The following PHF24 variants were observed in gnomAD, a reference collection of about 807,000 sequenced individuals.
PHF24 encodes the protein Galpha inhibitory interacting protein.
In PHF24, 25 loss-of-function variants were observed where a neutral mutation model predicts 42.6. The observed-to-expected ratio is 0.59, with a 90% CI of 0.43 to 0.82. PHF24 has a LOEUF of 0.82. Among genes scored for constraint, PHF24 ranks in the 40% least tolerant of loss-of-function variants. The probability of loss-of-function intolerance (pLI) is 0.00; values close to 1 mark genes in which losing one functional copy is unlikely to be tolerated. For synonymous variants in PHF24, 185 were observed against 204.8 expected (o/e 0.90, Z 0.83); for missense variants, 470 against 538.1 (o/e 0.87, Z 1.25).
At chr9:34,855,219 CT>C in the PHF24 span, among the ~76,000 whole-genome samples, 3 of 152,180 alleles carry the variant, frequency 2.0e-5, no homozygotes, top group Non-Finnish European at 4.4e-5. Context: ...GGGCTTGGCT[CT>C]TTATCCAGCT....
At chr9:34,723,198 G>T in the PHF24 span, 2 of 1,540,720 alleles carry the variant, frequency 1.3e-6, no homozygotes, top group South Asian at 2.4e-5. Context: ...TCCTTGAGCG[G>T]ACCAATGTTT....
chr9:34,673,854 C>T, the PHF24 span, among the ~76,000 whole-genome samples: 2 of 152,144 alleles, frequency 1.3e-5, no homozygotes, highest in Non-Finnish European at 2.9e-5. Flanking sequence ...ATCTCCTGAC[C>T]TTGTGATCTG....
rs947234275 is a variant in PHF24, at chr9:34,963,240, C to A, written c.-5+4839C>A. On this transcript the variant is annotated intron_variant, in intron 1 of 7. Transcript: ENST00000242315. ...GCTTGGATTTCCTCAAAGACCCGCA[C>A]GAGAACTCTTTTTGATGGTTTTTTT... 6.7e-5 allele frequency among the ~76,000 whole-genome samples: 10 copies of A among 148,588 alleles called. No homozygotes were observed. In the South Asian group the frequency reaches 2.1e-3, roughly 32 times the overall value.
chr9:34,682,840 C>T, the PHF24 span, among the ~76,000 whole-genome samples: 7 of 151,960 alleles, frequency 4.6e-5, no homozygotes, highest in East Asian at 3.9e-4. Context: ...TGGTGGTAGC[C>T]GTGGTGGTGA....
chr9:34,731,224 A>C, the PHF24 span, among the ~76,000 whole-genome samples: 1 of 152,236 alleles, frequency 6.6e-6, no homozygotes, highest in Non-Finnish European at 1.5e-5. Flanking sequence ...TAATAATCAC[A>C]TCAGGGTAAA....
Position 34,963,699 on chromosome 9 carries a change from C to T in PHF24, c.-5+5298C>T, listed in dbSNP as rs558433877. Among the ~76,000 whole-genome samples, 7 of 152,214 alleles carry T rather than the reference C, an allele frequency of 4.6e-5. No homozygotes were observed. The East Asian group carries it at 5.8e-4, about 13-fold the overall frequency. On this transcript the variant is annotated intron_variant, in intron 1 of 7. Transcript: ENST00000242315. Reference sequence around the variant, plus strand: ...TTCTTACCATTGTGATTGTAGAAACCGGCTAAATTGCAGAATTTCTTAACT... The same window carrying T: ...TTCTTACCATTGTGATTGTAGAAACTGGCTAAATTGCAGAATTTCTTAACT...
chr9:34,863,228 C>T, the PHF24 span, among the ~76,000 whole-genome samples: 1 of 152,152 alleles, frequency 6.6e-6, no homozygotes, highest in African/African-American at 2.4e-5. Flanking sequence ...GGACACAAGC[C>T]TGGCTGGCTT....
chr9:34,724,514 C>G, the PHF24 span: 1 of 1,551,476 alleles, frequency 6.4e-7, no homozygotes. Context: ...CTTCCTTGCC[C>G]TAATGGGAAT....
At chr9:34,760,323 A>G in the PHF24 span, among the ~76,000 whole-genome samples, 1 of 152,230 alleles carries the variant, frequency 6.6e-6, no homozygotes, top group Non-Finnish European at 1.5e-5. Flanking sequence ...GAAAAATGTG[A>G]CTGACATGCC....
chr9:34,740,903 G>C, the PHF24 span, among the ~76,000 whole-genome samples: 1 of 149,798 alleles, frequency 6.7e-6, no homozygotes, highest in Admixed American at 6.7e-5. Flanking sequence ...TTTTTTTTTG[G>C]TTATGGAGTT....
the PHF24 span, among the ~76,000 whole-genome samples, chr9:34,817,403 C>T: frequency 0.52 from 78,722 of 151,968 alleles, 21,860 homozygotes; most frequent in Non-Finnish European, 0.62. Context: ...CATCACTGTG[C>T]CCAGCTAATT....
chr9:34,972,396 C>T (rs769394220), exon 3 of PHF24: 4 of 1,613,980 alleles, frequency 2.5e-6, no homozygotes, highest in East Asian at 4.5e-5. Flanking sequence ...CAGCTGAGAG[C>T]CTCTTCCCGT....
chr9:34,870,338 A>G, the PHF24 span, among the ~76,000 whole-genome samples: 8 of 152,206 alleles, frequency 5.3e-5, no homozygotes, highest in East Asian at 1.5e-3. Context: ...ATATATTTTG[A>G]TAAGTGTGAA....
chr9:34,945,861 A>G, the PHF24 span, among the ~76,000 whole-genome samples: 1 of 152,216 alleles, frequency 6.6e-6, no homozygotes, highest in Non-Finnish European at 1.5e-5. Context: ...AAAATAGACT[A>G]AGAAAACTGC....
At chr9:34,964,166 C>A (rs569061959) in intron 1 of PHF24, among the ~76,000 whole-genome samples, 1 of 152,294 alleles carries the variant, frequency 6.6e-6, no homozygotes, top group East Asian at 1.9e-4. Flanking sequence ...CTTTCCCTTT[C>A]CCCTCACTCA....
the PHF24 span, among the ~76,000 whole-genome samples, chr9:34,873,102 T>C: frequency 2.0e-5 from 3 of 150,618 alleles, no homozygotes; most frequent in Non-Finnish European, 4.5e-5. Flanking sequence ...TTCTGGATAT[T>C]AGCCCTTTGT....
At chr9:34,801,596 G>A in the PHF24 span, among the ~76,000 whole-genome samples, 76,353 of 151,824 alleles carry the variant, frequency 0.5, 20,997 homozygotes, top group Non-Finnish European at 0.62. Context: ...GCTTGGTGGC[G>A]GGCACCTGTA....
chr9:34,673,284 C>T, the PHF24 span, among the ~76,000 whole-genome samples: 937 of 120,210 alleles, frequency 7.8e-3, 8 homozygotes, highest in African/African-American at 0.023. Context: ...AACCTGGGAG[C>T]GGGAGGTTGC....
the PHF24 span, among the ~76,000 whole-genome samples, chr9:34,933,229 A>G: frequency 1.3e-5 from 2 of 152,216 alleles, no homozygotes; most frequent in East Asian, 1.9e-4. Flanking sequence ...AAACATGTGT[A>G]TGCATCTTTA....
Sources: allele counts gnomAD v4.1 joint callset (sites outside exome capture counted in the v4.1 genomes callset), GRCh38; gene constraint gnomAD v4.1.1; transcripts MANE v1.5; gene names NCBI Gene and HGNC (gene_info 2026-07-23, HGNC 2026-07-21).